The following PCID2 variants were observed in gnomAD, a reference collection of about 807,000 sequenced individuals.
PCID2 encodes PCI domain containing 2, also known as PCI domain-containing protein 2.
In PCID2, 41 loss-of-function variants were observed where a neutral mutation model predicts 61.3. The ratio of observed to expected loss-of-function variants is 0.67; its 90% CI spans 0.52 to 0.87. The LOEUF (loss-of-function observed/expected upper bound fraction) is 0.87, where lower values mean the gene tolerates loss of function less well. Ranked by LOEUF, PCID2 falls within the 40% of genes least tolerant of loss-of-function variation. The probability of loss-of-function intolerance (pLI) is 0.00; values close to 1 mark genes in which losing one functional copy is unlikely to be tolerated. For synonymous variants in PCID2, 187 were observed against 177.8 expected (o/e 1.05, Z -0.41); for missense variants, 392 against 493.4 (o/e 0.79, Z 1.95).
the PCID2 span, chr13:113,165,172 A>G: frequency 2.0e-6 from 3 of 1,533,956 alleles, no homozygotes; most frequent in South Asian, 2.2e-5. Context: ...CTTTCACCTC[A>G]CTTGTCATTT....
At chr13:113,181,834 A>G (rs1253332725) in intron 9 of PCID2, among the ~76,000 whole-genome samples, 1 of 152,238 alleles carries the variant, frequency 6.6e-6, no homozygotes, top group Admixed American at 6.5e-5. Flanking sequence ...AAGTAATTCT[A>G]TTTGTCAAGA....
chr13:113,181,291 G>T, intron 9 of PCID2, 61 bp from the exon 10 acceptor site: 1 of 1,016,376 alleles, frequency 9.8e-7, no homozygotes, highest in Non-Finnish European at 1.6e-6. Flanking sequence ...GCCCCTTCCT[G>T]CTCCATTTTC....
chr13:113,172,328 A>G, the PCID2 span: 5 of 596,240 alleles, frequency 8.4e-6, no homozygotes, highest in African/African-American at 9.3e-5. Context: ...TAGAGACCTT[A>G]AAAGAAAACA....
At chr13:113,171,621 T>C in the PCID2 span, 5 of 1,614,114 alleles carry the variant, frequency 3.1e-6, no homozygotes, top group Admixed American at 1.7e-5. This position sits in a 1 kb window ranked among gnomAD's most constrained non-coding sequence, Gnocchi z 5.1. Context: ...CAAGACCCGC[T>C]GATGATCAAG....
In PCID2 at chr13:113,178,152, G is replaced by A; in HGVS notation, c.*46C>T. 6.9e-7 allele frequency: 1 copy of A among 1,455,292 alleles called. No individual in the cohort carries two copies. The highest frequency in any genetic ancestry group is 9.6e-7 in the Non-Finnish European group (1 of 1,037,328). 90.1% of individuals were successfully genotyped at this position (1,455,292 alleles called of 1,614,324 possible). A position where few individuals can be genotyped will look rare whatever the true frequency, so the allele number is the denominator to read the frequency against. On this transcript the variant is annotated 3_prime_UTR_variant, in exon 14 of 14. Coordinates refer to ENST00000337344, the MANE Select transcript of PCID2 (RefSeq NM_001127202.4). ...GACCGGTCTCATCAGCACAACCAAAGTGGAAAGAAACAACTGCTCACCCGT... is the reference window on the plus strand; with the variant it reads ...GACCGGTCTCATCAGCACAACCAAAATGGAAAGAAACAACTGCTCACCCGT...
At chr13:113,196,922 A>G in intron 4 of PCID2, 1 of 925,076 alleles carries the variant, frequency 1.1e-6, no homozygotes. Flanking sequence ...GCAACAAAGC[A>G]TTCTTCTTCT....
the PCID2 span, chr13:113,172,181 G>A: frequency 5.1e-6 from 8 of 1,560,844 alleles, no homozygotes; most frequent in Non-Finnish European, 6.1e-6. Flanking sequence ...TGTGGAGGGC[G>A]CTGAAACTTC....
intron 1 of PCID2, chr13:113,208,246 C>T: frequency 6.9e-7 from 1 of 1,448,320 alleles, no homozygotes. Flanking sequence ...GCACCGCCCA[C>T]AGCGGGCCCT....
intron 1 of PCID2, among the ~76,000 whole-genome samples, chr13:113,202,043 T>C (rs1447304819): frequency 6.6e-6 from 1 of 152,204 alleles, no homozygotes; most frequent in African/African-American, 2.4e-5. Context: ...GGAAGGCTGA[T>C]GACACCAAGT....
intron 10 of PCID2, 76 bp downstream of exon 10, chr13:113,181,054 G>A (rs1272453689): frequency 1.0e-6 from 1 of 956,790 alleles, no homozygotes; most frequent in African/African-American, 1.6e-5. Context: ...CTGTCTGCTA[G>A]GTTTTAAAAA....
intron 13 of PCID2, 100 bp downstream of exon 13, chr13:113,178,866 A>G (rs1041853497): frequency 1.7e-6 from 2 of 1,196,840 alleles, no homozygotes; most frequent in South Asian, 1.6e-5. Context: ...AAAAAGCAGA[A>G]GGCCTTTTAA....
Position 113,179,226 on chromosome 13 carries a change from C to T in PCID2, c.987-137G>A, listed in dbSNP as rs1004384226. 1 of 587,596 alleles carries T rather than the reference C, an allele frequency of 1.7e-6. No homozygotes were observed. The highest frequency in any genetic ancestry group is 2.9e-6 in the Non-Finnish European group (1 of 344,760). 36.4% of individuals were successfully genotyped at this position (587,596 alleles called of 1,614,324 possible). A position where few individuals can be genotyped will look rare whatever the true frequency, so the allele number is the denominator to read the frequency against. ...CACCTATTAGATAAACTCTAAACTA[C>T]ACTCTCAGAGCTATTAAATCTAATT... On this transcript the variant is annotated intron_variant, in intron 12 of 13. Transcript: ENST00000337344. The surrounding 1 kb of genome is among the most constrained non-coding windows in gnomAD (Gnocchi z 4.3).
the PCID2 span, among the ~76,000 whole-genome samples, chr13:113,169,234 A>G: frequency 1.3e-5 from 2 of 152,184 alleles, no homozygotes; most frequent in Admixed American, 6.5e-5. Context: ...GCAATGTCTA[A>G]TCTGCCATTC....
At chr13:113,167,833 T>C in the PCID2 span, among the ~76,000 whole-genome samples, 2 of 152,224 alleles carry the variant, frequency 1.3e-5, no homozygotes, top group African/African-American at 4.8e-5. Context: ...TTGCTATCTT[T>C]TATTTTTCTT....
At chr13:113,194,992 G>A in intron 6 of PCID2, 79 bp downstream of exon 6, 1 of 1,037,316 alleles carries the variant, frequency 9.6e-7, no homozygotes, top group East Asian at 2.4e-5. Flanking sequence ...AAACTTCTGG[G>A]AAGAATGACA....
In PCID2 at chr13:113,190,222, GAAGAA is replaced by G. The variant is rs1481261744; in HGVS notation, c.467+645_467+649del. ...CAGGAAGCCCAATGAACCCTAAACA[GAAGAA>G]ATTAAAAAAAAAAAAAAAAACCAAC... On this transcript the variant is annotated intron_variant, in intron 7 of 13. Coordinates refer to ENST00000337344, the MANE Select transcript of PCID2 (RefSeq NM_001127202.4). 1.5e-4 allele frequency among the ~76,000 whole-genome samples: 20 copies of G among 136,040 alleles called. No individual in the cohort carries two copies. In the East Asian group the frequency reaches 3.5e-3, roughly 23 times the overall value. 89.2% of individuals were successfully genotyped at this position (136,040 alleles called of 152,430 possible).
At chr13:113,174,470 AG>A (rs1470250710), downstream of PCID2, among the ~76,000 whole-genome samples, 1 of 152,198 alleles carries the variant, frequency 6.6e-6, no homozygotes, top group African/African-American at 2.4e-5. Flanking sequence ...GTAAAACTCA[AG>A]AAAAGGGAAG....
Position 113,177,575 on chromosome 13 carries a change from T to C in PCID2, c.*623A>G, listed in dbSNP as rs1434947606. 2 of 152,250 alleles carry C rather than the reference T, an allele frequency of 1.3e-5. No individual in the cohort carries two copies. Among genetic ancestry groups the C allele is most frequent in the Non-Finnish European group, 1.5e-5 (1 of 68,046 alleles). The allele number at this position is 152,250 out of a possible 1,614,324, so 9.4% of individuals were successfully genotyped here. A position where few individuals can be genotyped will look rare whatever the true frequency, so the allele number is the denominator to read the frequency against. On this transcript the variant is annotated 3_prime_UTR_variant, in exon 14 of 14. Transcript: ENST00000337344. The stretch of plus-strand genomic sequence containing the variant: ...TATTAAATGTATTTTCAATTTAAGA[T>C]GGTTTTTTAAAAGAAATTTTTTTTT...
chr13:113,180,583 G>C (rs2037542145), intron 10 of PCID2, among the ~76,000 whole-genome samples: 1 of 152,228 alleles, frequency 6.6e-6, no homozygotes, highest in Non-Finnish European at 1.5e-5. Flanking sequence ...ATTTGAAACT[G>C]GCTGTCAGTT....
Sources: allele counts gnomAD v4.1 joint callset (sites outside exome capture counted in the v4.1 genomes callset), GRCh38; gene constraint gnomAD v4.1.1; non-coding constraint Gnocchi (gnomAD v3.1); transcripts MANE v1.5; gene names NCBI Gene and HGNC (gene_info 2026-07-23, HGNC 2026-07-21).